The following ROBO2 variants were observed in gnomAD, a reference collection of about 807,000 sequenced individuals.
ROBO2 encodes roundabout homolog 2.
Under a neutral mutation model 160.8 loss-of-function variants are expected in ROBO2, and 53 were observed. The observed-to-expected ratio is 0.33, with a 90% CI of 0.26 to 0.41. ROBO2 has a LOEUF of 0.41. Among genes scored for constraint, ROBO2 ranks in the 10% least tolerant of loss-of-function variants. The pLI is 1.00. For synonymous variants in ROBO2, 664 were observed against 611.7 expected (o/e 1.09, Z -1.26); for missense variants, 1,577 against 1,722.4 (o/e 0.92, Z 1.49).
intron 2 of ROBO2, among the ~76,000 whole-genome samples, chr3:76,408,343 G>T (rs927347995): frequency 4.6e-5 from 7 of 152,018 alleles, no homozygotes; most frequent in Admixed American, 3.9e-4. Flanking sequence ...ATTATATTTT[G>T]TCTGTCCTTG....
chr3:76,571,319 G>T (rs911317858), intron 2 of ROBO2, among the ~76,000 whole-genome samples: 5 of 152,214 alleles, frequency 3.3e-5, no homozygotes, highest in African/African-American at 9.6e-5. Context: ...TTGGGAAAAT[G>T]TGTAAATTTC....
intron 2 of ROBO2, among the ~76,000 whole-genome samples, chr3:76,496,377 A>C (rs1225229428): frequency 1.3e-5 from 2 of 152,246 alleles, no homozygotes. Flanking sequence ...GGGTACCTTC[A>C]CAATGTTTCT....
rs148378215 is a variant in ROBO2, at chr3:76,249,464, A to G, written c.109+311862A>G. Among the ~76,000 whole-genome samples, 331 of 152,174 alleles carry G rather than the reference A, an allele frequency of 2.2e-3. 1 individual carries two copies. Among genetic ancestry groups the G allele is most frequent in the African/African-American group, 7.2e-3 (300 of 41,496 alleles). Reference sequence around the variant, plus strand: ...TCAACTATTTACCCAGGTGAGCCAGATTCTATCTTTAATAAATGGATCTGC... The same window carrying G: ...TCAACTATTTACCCAGGTGAGCCAGGTTCTATCTTTAATAAATGGATCTGC... On this transcript the variant is annotated intron_variant, in intron 2 of 26. Coordinates refer to the ROBO2 transcript ENST00000487694.
chr3:76,349,628 G>T (rs895677253), intron 2 of ROBO2, among the ~76,000 whole-genome samples: 1 of 152,080 alleles, frequency 6.6e-6, no homozygotes, highest in Non-Finnish European at 1.5e-5. Flanking sequence ...GAACTGGAAA[G>T]GGTCTGAGAT....
chr3:76,812,079 A>G (rs2065239884), intron 2 of ROBO2, among the ~76,000 whole-genome samples: 1 of 151,524 alleles, frequency 6.6e-6, no homozygotes, highest in Non-Finnish European at 1.5e-5. Flanking sequence ...CCGTGTTAGC[A>G]AGCCAGGATG....
intron 2 of ROBO2, among the ~76,000 whole-genome samples, chr3:77,338,366 G>A (rs1389335461): frequency 1.3e-5 from 2 of 152,070 alleles, no homozygotes; most frequent in Non-Finnish European, 2.9e-5. Context: ...CTCTGAGATT[G>A]TTCAGGAGAT....
chr3:76,360,143 T>G (rs1259634650), intron 2 of ROBO2, among the ~76,000 whole-genome samples: 3 of 152,060 alleles, frequency 2.0e-5, no homozygotes, highest in African/African-American at 7.2e-5. Context: ...TGCTCCCTGA[T>G]GAGAAGCCAA....
intron 2 of ROBO2, among the ~76,000 whole-genome samples, chr3:76,498,861 G>A (rs1210514001): frequency 1.3e-5 from 2 of 151,812 alleles, no homozygotes; most frequent in Non-Finnish European, 2.9e-5. Flanking sequence ...GCTGATTTTT[G>A]TATTTGTAGT....
At chr3:76,759,836 C>T (rs756350019) in intron 2 of ROBO2, among the ~76,000 whole-genome samples, 23 of 151,650 alleles carry the variant, frequency 1.5e-4, no homozygotes, top group Non-Finnish European at 1.5e-5. Flanking sequence ...AATTTGGAGC[C>T]GGTGGGATTC....
chr3:77,214,790 C>A (rs1297573370), intron 2 of ROBO2, among the ~76,000 whole-genome samples: 1 of 152,162 alleles, frequency 6.6e-6, no homozygotes, highest in African/African-American at 2.4e-5. Flanking sequence ...GACAAAATCT[C>A]TCAGCATTTG....
intron 5 of ROBO2, among the ~76,000 whole-genome samples, chr3:77,507,630 T>C (rs974963804): frequency 3.3e-5 from 5 of 152,166 alleles, no homozygotes; most frequent in Non-Finnish European, 5.9e-5. Flanking sequence ...ATGAGCTATA[T>C]CTACTTTTCC....
chr3:76,418,654 C>T (rs925319434), intron 2 of ROBO2, among the ~76,000 whole-genome samples: 5 of 150,546 alleles, frequency 3.3e-5, no homozygotes, highest in Non-Finnish European at 5.9e-5. Flanking sequence ...CTCAAATAAA[C>T]GCTTAAAAAT....
chr3:76,342,527 C>T (rs1292369442), intron 2 of ROBO2, among the ~76,000 whole-genome samples: 1 of 151,760 alleles, frequency 6.6e-6, no homozygotes, highest in Non-Finnish European at 1.5e-5. Context: ...CATGCCTGCT[C>T]TTAGCTCTGG....
At chr3:76,229,662 AC>A (rs1419866513) in intron 2 of ROBO2, among the ~76,000 whole-genome samples, 1 of 152,104 alleles carries the variant, frequency 6.6e-6, no homozygotes, top group Non-Finnish European at 1.5e-5. Context: ...AGCAGGTTTT[AC>A]TTTTTGTTTT....
chr3:76,604,887 G>A (rs2087521923), intron 2 of ROBO2, among the ~76,000 whole-genome samples: 1 of 152,110 alleles, frequency 6.6e-6, no homozygotes, highest in African/African-American at 2.4e-5. Flanking sequence ...TAGGAAAATT[G>A]TAAGTAATCA....
chr3:76,140,011 A>T (rs1334697718), intron 2 of ROBO2, among the ~76,000 whole-genome samples: 1 of 152,256 alleles, frequency 6.6e-6, no homozygotes, highest in East Asian at 1.9e-4. Flanking sequence ...TATTTGATAA[A>T]TGAAATTGGT....
chr3:77,007,694 T>G (rs992268507), intron 2 of ROBO2, among the ~76,000 whole-genome samples: 3 of 152,126 alleles, frequency 2.0e-5, no homozygotes, highest in African/African-American at 7.2e-5. Flanking sequence ...ACCTGTTAAT[T>G]TTAAGCTTGA....
In ROBO2 at chr3:76,414,143, A is replaced by G. The variant is rs1004875660; in HGVS notation, c.109+476541A>G. 2.0e-5 allele frequency among the ~76,000 whole-genome samples: 3 copies of G among 149,700 alleles called. No individual in the cohort carries two copies. In the East Asian group the frequency reaches 5.8e-4, roughly 29 times the overall value. Reference sequence around the variant, plus strand: ...AGGAAAGAACAGCCCCCATGATTCAATTACCTCCCCCTGGTCCCTCTCACA... The same window carrying G: ...AGGAAAGAACAGCCCCCATGATTCAGTTACCTCCCCCTGGTCCCTCTCACA... On this transcript the variant is annotated intron_variant, in intron 2 of 26. Transcript: ENST00000487694.
rs2087150012 is a variant in ROBO2 at position 77,498,835 on chromosome 3, C to T, written c.806+5453C>T. Among the ~76,000 whole-genome samples the T allele has an allele frequency of 2.0e-5, 3 of 152,020 alleles. No homozygotes were observed. In the South Asian group the frequency reaches 6.2e-4, roughly 32 times the overall value. ...GATAATTTGAGCTCCTGATAAATAACCACACTGATTAGGTTGGCTGGTAAA... is the reference window on the plus strand; with the variant it reads ...GATAATTTGAGCTCCTGATAAATAATCACACTGATTAGGTTGGCTGGTAAA... On this transcript the variant is annotated intron_variant, in intron 5 of 25. Transcript: ENST00000461745.
Sources: allele counts gnomAD v4.1 joint callset (sites outside exome capture counted in the v4.1 genomes callset), GRCh38; gene constraint gnomAD v4.1.1; transcripts MANE v1.5; gene names NCBI Gene and HGNC (gene_info 2026-07-23, HGNC 2026-07-21).